The following PCDH7 variants were observed in gnomAD, a reference collection of about 807,000 sequenced individuals.
PCDH7 encodes protocadherin 7, also known as protocadherin-7.
In PCDH7, 17 loss-of-function variants were observed where a neutral mutation model predicts 58.9. That is an observed-to-expected ratio of 0.29 (90% CI 0.20 to 0.43). The LOEUF is 0.43. Ranked by LOEUF, PCDH7 falls within the 20% of genes least tolerant of loss-of-function variation. The pLI, the probability that PCDH7 is intolerant of heterozygous loss-of-function variation, is 1.00. For synonymous variants in PCDH7, 664 were observed against 616.4 expected (o/e 1.08, Z -1.14); for missense variants, 1,274 against 1,441.0 (o/e 0.88, Z 1.88).
intron 1 of PCDH7, among the ~76,000 whole-genome samples, chr4:30,775,047 T>C (rs189584618): frequency 1.0e-3 from 156 of 152,328 alleles, no homozygotes; most frequent in Admixed American, 2.7e-3. Context: ...TAAGTCTATT[T>C]CTGTCTAGTA....
intron 3 of PCDH7, among the ~76,000 whole-genome samples, chr4:30,995,218 A>G (rs1751782970): frequency 6.6e-6 from 1 of 152,168 alleles, no homozygotes; most frequent in Non-Finnish European, 1.5e-5. Flanking sequence ...GAAAAACAGC[A>G]ATTTAAAGAT....
intron 3 of PCDH7, among the ~76,000 whole-genome samples, chr4:31,099,205 T>C (rs1714572200): frequency 3.9e-5 from 6 of 152,174 alleles, no homozygotes; most frequent in Admixed American, 3.3e-4. Context: ...GTGCAACTGG[T>C]GCCTTAGTTA....
chr4:31,026,767 A>G (rs905455865), intron 3 of PCDH7, among the ~76,000 whole-genome samples: 1 of 152,150 alleles, frequency 6.6e-6, no homozygotes, highest in South Asian at 2.1e-4. Flanking sequence ...AAAAACCTGC[A>G]CACACACATA....
intron 3 of PCDH7, among the ~76,000 whole-genome samples, chr4:30,956,782 T>C (rs1210782896): frequency 6.6e-6 from 1 of 152,214 alleles, no homozygotes; most frequent in East Asian, 1.9e-4. Context: ...CCAAATTTAC[T>C]GTAGTAGTTT....
At chr4:30,922,786 G>A (rs1023418163) in intron 2 of PCDH7, among the ~76,000 whole-genome samples, 2 of 152,090 alleles carry the variant, frequency 1.3e-5, no homozygotes, top group Admixed American at 6.6e-5. Context: ...TGTGATTCAT[G>A]TTAGCCTTGA....
intron 3 of PCDH7, among the ~76,000 whole-genome samples, chr4:31,048,649 T>C (rs1235008291): frequency 6.6e-6 from 1 of 152,008 alleles, no homozygotes; most frequent in Non-Finnish European, 1.5e-5. Context: ...CTACAAATAG[T>C]TGATTTTTCC....
intron 3 of PCDH7, among the ~76,000 whole-genome samples, chr4:31,056,407 AGAAAGAAG>A (rs1341804890): frequency 2.0e-5 from 3 of 146,350 alleles, no homozygotes; most frequent in East Asian, 4.0e-4. Context: ...AAAGGAAGAA[AGAAAGAAG>A]GAAAGAAGGA....
At chr4:30,917,859 T>C (rs1441460135) in intron 1 of PCDH7, among the ~76,000 whole-genome samples, 2 of 152,156 alleles carry the variant, frequency 1.3e-5, no homozygotes, top group Non-Finnish European at 2.9e-5. Flanking sequence ...TAAGCACAGA[T>C]TCCAAAATTT....
chr4:30,765,124 G>GTTTTT (rs1242502475), intron 1 of PCDH7, among the ~76,000 whole-genome samples: 2 of 36,024 alleles, frequency 5.6e-5, no homozygotes, highest in African/African-American at 1.6e-4. Context: ...GACTTCAGAT[G>GTTTTT]CTTTTTTTTT....
intron 1 of PCDH7, among the ~76,000 whole-genome samples, chr4:30,750,691 T>C (rs999563789): frequency 6.6e-6 from 1 of 152,194 alleles, no homozygotes; most frequent in Non-Finnish European, 1.5e-5. Flanking sequence ...TGTGCATTCA[T>C]TAACTTACCA....
intron 3 of PCDH7, among the ~76,000 whole-genome samples, chr4:31,070,906 A>G (rs975897147): frequency 3.3e-5 from 5 of 152,104 alleles, no homozygotes; most frequent in African/African-American, 1.2e-4. Flanking sequence ...AAGTAGTGGC[A>G]TTCAGAATTA....
chr4:30,968,340 C>CTATATA lies in PCDH7; in HGVS notation c.*7+18132_*7+18137dup, dbSNP rs200973688. On this transcript the variant is annotated intron_variant, in intron 3 of 3. Transcript: ENST00000509759. ...TACACTATATATATATATACACACA[C>CTATATA]TATATATATATACACACACTATATA... Among the ~76,000 whole-genome samples, 47 of 83,466 alleles carry CTATATA rather than the reference C, an allele frequency of 5.6e-4. 1 individual carries two copies. Among genetic ancestry groups the CTATATA allele is most frequent in the African/African-American group, 2.3e-3 (39 of 16,600 alleles). 54.8% of individuals were successfully genotyped at this position (83,466 alleles called of 152,430 possible). A position where few individuals can be genotyped will look rare whatever the true frequency, so the allele number is the denominator to read the frequency against.
intron 3 of PCDH7, among the ~76,000 whole-genome samples, chr4:31,035,629 G>A (rs946114349): frequency 5.9e-5 from 9 of 152,108 alleles, no homozygotes; most frequent in African/African-American, 1.7e-4. Flanking sequence ...CAAAGAGCAG[G>A]TTGCATGCAA....
At chr4:30,736,629 G>A (rs563057750), downstream of PCDH7, among the ~76,000 whole-genome samples, 2 of 149,986 alleles carry the variant, frequency 1.3e-5, no homozygotes, top group South Asian at 2.1e-4. Context: ...TCCGCCTCCC[G>A]GATTCGCGCC....
At chr4:31,133,354 C>T (rs995155169) in intron 3 of PCDH7, among the ~76,000 whole-genome samples, 4 of 151,850 alleles carry the variant, frequency 2.6e-5, no homozygotes, top group African/African-American at 7.3e-5. Context: ...ATATAATTCC[C>T]GAGCAAGTAA....
intron 3 of PCDH7, among the ~76,000 whole-genome samples, chr4:31,044,193 G>C (rs1218686300): frequency 2.4e-4 from 36 of 150,350 alleles, no homozygotes; most frequent in Admixed American, 2.4e-3. Flanking sequence ...CCACATTTTA[G>C]GGGGCTGGAA....
At chr4:30,798,512 A>G (rs1334050959) in intron 1 of PCDH7, among the ~76,000 whole-genome samples, 1 of 152,216 alleles carries the variant, frequency 6.6e-6, no homozygotes, top group African/African-American at 2.4e-5. Context: ...AATAAGTATA[A>G]TTAACAACAA....
In PCDH7 at chr4:31,064,864, C is replaced by T. The variant is rs1450683039; in HGVS notation, c.*8-77609C>T. On this transcript the variant is annotated intron_variant, in intron 3 of 3. Transcript: ENST00000509759. ...ACAAGTCAATTCAGTTCATAACACA[C>T]ACACACACTATACTTGTGCAAAACT... is the stretch of plus-strand genomic sequence containing the variant. 3.3e-5 allele frequency among the ~76,000 whole-genome samples: 5 copies of T among 151,980 alleles called. No homozygotes were observed. In the South Asian group the frequency reaches 6.2e-4, roughly 19 times the overall value.
At chr4:30,910,271 G>A (rs765674570) in intron 1 of PCDH7, among the ~76,000 whole-genome samples, 1 of 152,120 alleles carries the variant, frequency 6.6e-6, no homozygotes, top group Non-Finnish European at 1.5e-5. Flanking sequence ...CATGGGCAAA[G>A]ACTTCATGAC....
Sources: gnomAD v4.1 joint callset for allele counts (sites outside exome capture counted in the v4.1 genomes callset) on GRCh38, gnomAD v4.1.1 for gene constraint, MANE v1.5 for transcripts, NCBI Gene and HGNC (gene_info 2026-07-23, HGNC 2026-07-21) for gene names.